The following SNAP47 variants were observed in gnomAD, a reference collection of about 807,000 sequenced individuals.
The protein encoded by SNAP47 is synaptosomal-associated protein 47.
In SNAP47, 20 loss-of-function variants were observed where a neutral mutation model predicts 31.4. The observed-to-expected ratio is 0.64, with a 90% CI of 0.45 to 0.93. The LOEUF is 0.93. SNAP47 is among the 40% of genes least tolerant of loss of function. The probability of loss-of-function intolerance (pLI) is 0.00; values close to 1 mark genes in which losing one functional copy is unlikely to be tolerated. For missense variants in SNAP47, 492 were observed against 528.5 expected, an observed-to-expected ratio of 0.93 and a Z score of 0.68; for synonymous variants, 194 against 213.4, an observed-to-expected ratio of 0.91 and a Z score of 0.79.
In SNAP47 at chr1:227,763,898, C is replaced by T. The variant is rs915542352; in HGVS notation, c.989-3061C>T. Among the ~76,000 whole-genome samples the T allele has an allele frequency of 6.6e-6, 1 of 152,190 alleles. No individual in the cohort carries two copies. The highest frequency in any genetic ancestry group is 1.5e-5 in the Non-Finnish European group (1 of 68,020). On this transcript the variant is annotated intron_variant, in intron 3 of 4. Coordinates refer to ENST00000617596, the MANE Select transcript of SNAP47 (RefSeq NM_053052.4). The surrounding 1 kb of genome is among the most constrained non-coding windows in gnomAD (Gnocchi z 4.2). ...GCTCCCAGGCAGGTGCAGGCAGCCC[C>T]TCCTCAGCACTGGCAGTGAAGACAG...
chr1:227,767,294 A>G (rs1361098594), intron 4 of SNAP47, among the ~76,000 whole-genome samples: 1 of 152,144 alleles, frequency 6.6e-6, no homozygotes, highest in East Asian at 1.9e-4. Flanking sequence ...GGAACACAAC[A>G]TGCACCACAT....
chr1:227,732,363 C>T, upstream of SNAP47: 10 of 1,603,944 alleles, frequency 6.2e-6, no homozygotes, highest in Non-Finnish European at 7.7e-6. Context: ...GCCTCTCTTC[C>T]ACCCGTCCTT....
At chr1:227,734,482 A>C (rs146263533), upstream of SNAP47, 958 of 592,220 alleles carry the variant, frequency 1.6e-3, 15 homozygotes, top group East Asian at 0.024. Context: ...CCAAAGAACA[A>C]CACTTGCAGC....
chr1:227,735,255 C>T (rs776321470), upstream of SNAP47: 2 of 1,602,960 alleles, frequency 1.2e-6, no homozygotes, highest in Non-Finnish European at 1.7e-6. Context: ...TCGGCGAGGG[C>T]GCGCGTCTCG....
rs185305128 is a variant in SNAP47, at chr1:227,775,801, A to G, written c.1114-4726A>G. On this transcript the variant is annotated intron_variant, in intron 4 of 4. Transcript: ENST00000617596. ...TTTTGCTCTGCAGGGCTTCCGGCCT[A>G]TGTCGCTGTCAACCCAGACAGTGTT... The G allele has an allele frequency of 1.3e-3, 1,687 of 1,304,188 alleles. 4 individuals are homozygous for G. The highest frequency in any genetic ancestry group is 1.6e-3 in the Non-Finnish European group (1,537 of 988,926). The allele number at this position is 1,304,188 out of a possible 1,614,324, so 80.8% of individuals were successfully genotyped here.
chr1:227,747,087 T>C (rs558189121), intron 1 of SNAP47: 4 of 152,432 alleles, frequency 2.6e-5, no homozygotes, highest in Non-Finnish European at 5.9e-5. Flanking sequence ...AATAAGTTAG[T>C]ACGCGTACGT....
rs559213644 is a variant in SNAP47, at chr1:227,738,324, G to A, written c.-46+2825G>A. On this transcript the variant is annotated intron_variant, in intron 1 of 4. Coordinates refer to ENST00000617596, the MANE Select transcript of SNAP47 (RefSeq NM_053052.4). ...CAAAGTGCTGGGATTACAGGCGTGA[G>A]CCACCGCACACCCAGCCGAGATGAC... Among the ~76,000 whole-genome samples, 11 of 152,282 alleles carry A rather than the reference G, an allele frequency of 7.2e-5. No individual in the cohort carries two copies. In the South Asian group the frequency reaches 2.3e-3, roughly 32 times the overall value.
chr1:227,761,200 T>C (rs1558205973), intron 3 of SNAP47, among the ~76,000 whole-genome samples: 1 of 152,230 alleles, frequency 6.6e-6, no homozygotes, highest in East Asian at 1.9e-4. Flanking sequence ...CTAATTTTTC[T>C]CTTAAGAGAA....
chr1:227,758,163 T>A (rs1280153153), intron 2 of SNAP47, among the ~76,000 whole-genome samples: 1 of 152,184 alleles, frequency 6.6e-6, no homozygotes, highest in Non-Finnish European at 1.5e-5. Flanking sequence ...TGGCATCTGC[T>A]GTGACATTGA....
At chr1:227,734,624 G>A (rs1660937612), upstream of SNAP47, 1 of 1,610,488 alleles carries the variant, frequency 6.2e-7, no homozygotes, top group Non-Finnish European at 8.5e-7. Context: ...GGAAGGCAGC[G>A]CCTCGGTGCG....
intron 1 of SNAP47, chr1:227,736,519 T>C (rs1045182276): frequency 2.3e-5 from 3 of 130,670 alleles, no homozygotes; most frequent in East Asian, 2.3e-4. Flanking sequence ...TTTTTTTTTT[T>C]TTTTTTTTTT....
intron 1 of SNAP47, among the ~76,000 whole-genome samples, chr1:227,747,419 G>A (rs764939143): frequency 6.6e-6 from 1 of 152,140 alleles, no homozygotes; most frequent in Non-Finnish European, 1.5e-5. Context: ...GTGGTGAGGG[G>A]GATGACAGTG....
chr1:227,728,302 C>A (rs1175572465), upstream of SNAP47, among the ~76,000 whole-genome samples: 1 of 151,972 alleles, frequency 6.6e-6, no homozygotes, highest in Non-Finnish European at 1.5e-5. Flanking sequence ...AGGGTTGTTA[C>A]TGGGTTTCTT....
rs1041879033 is a variant in SNAP47, at chr1:227,762,732, G to A, written c.988+3247G>A. On this transcript the variant is annotated intron_variant, in intron 3 of 4. Transcript: ENST00000617596. This position sits in a 1 kb window ranked among gnomAD's most constrained non-coding sequence, Gnocchi z 4.2. ...TATTTTATTCTAGACACTCGTCCTTGCGTTGAGGAGCACCCAGGACCGCAC... is the reference window on the plus strand; with the variant it reads ...TATTTTATTCTAGACACTCGTCCTTACGTTGAGGAGCACCCAGGACCGCAC... 2.0e-5 allele frequency among the ~76,000 whole-genome samples: 3 copies of A among 152,210 alleles called. No homozygotes were observed. The highest frequency in any genetic ancestry group is 6.5e-5 in the Admixed American group (1 of 15,290).
chr1:227,734,791 G>A, upstream of SNAP47: 1 of 1,614,046 alleles, frequency 6.2e-7, no homozygotes, highest in Non-Finnish European at 8.5e-7. Flanking sequence ...GGACCCCACA[G>A]TTTGCAACTG....
Position 227,735,464 on chromosome 1 carries a change from C to G in SNAP47, c.-81C>G, listed in dbSNP as rs568837840. The G allele has an allele frequency of 7.0e-7, 1 of 1,435,938 alleles. No homozygotes were observed. Among genetic ancestry groups the G allele is most frequent in the Non-Finnish European group, 9.0e-7 (1 of 1,105,500 alleles). The allele number at this position is 1,435,938 out of a possible 1,614,324, so 88.9% of individuals were successfully genotyped here. ...CGCAGGCGCCGAGCGGCCGAGGCGC[C>G]GCGGTCGGCTCTGGGACTCGTCTGG... On this transcript the variant is annotated 5_prime_UTR_variant, in exon 1 of 5. Coordinates refer to ENST00000617596, the MANE Select transcript of SNAP47 (RefSeq NM_053052.4).
At chr1:227,766,924 G>A in intron 3 of SNAP47, 35 bp from the exon 4 acceptor site, 1 of 1,611,416 alleles carries the variant, frequency 6.2e-7, no homozygotes, top group Non-Finnish European at 8.5e-7. Context: ...GCAACTCCGA[G>A]AGATGTCACT....
chr1:227,780,567 G>A lies in SNAP47; in HGVS notation c.1154G>A (p.Ser385Asn). Residue 385 changes from serine (S) to asparagine (N), a missense_variant, in exon 5 of 5, where the codon AGT (serine) becomes AAT (asparagine). Physicochemically the swap from Ser to Asn is conservative, Grantham distance 46. Transcript: ENST00000617596. ...AAGGGGCTGGCCCTGGAGGCCGAGA[G>A]TGAGCTGGAGAGACAAGACGAAGCC... ...RMKGLALEAE[S>N]ELERQDEALD... The A allele has an allele frequency of 1.2e-6, 2 of 1,614,212 alleles. No individual in the cohort carries two copies. Among genetic ancestry groups the A allele is most frequent in the Non-Finnish European group, 1.7e-6 (2 of 1,180,038 alleles).
chr1:227,733,346 G>A, upstream of SNAP47: 1 of 1,485,108 alleles, frequency 6.7e-7, no homozygotes, highest in Middle Eastern at 2.4e-4. Flanking sequence ...CTGGGAGAGT[G>A]GGGAGGTGGT....
Sources: gnomAD v4.1 joint callset for allele counts (sites outside exome capture counted in the v4.1 genomes callset) on GRCh38, gnomAD v4.1.1 for gene constraint, Gnocchi (gnomAD v3.1) non-coding constraint, MANE v1.5 for transcripts, NCBI Gene and HGNC (gene_info 2026-07-23, HGNC 2026-07-21) for gene names.